FNTA: variants seen among roughly 807,000 people sequenced by gnomAD.
The protein encoded by FNTA is protein farnesyltransferase/geranylgeranyltransferase type-1 subunit alpha.
In FNTA, 27 loss-of-function variants were observed where a neutral mutation model predicts 55.2. The observed-to-expected ratio is 0.49, with a 90% CI of 0.36 to 0.67. The LOEUF (loss-of-function observed/expected upper bound fraction) is 0.67. FNTA is among the 30% of genes least tolerant of loss of function. FNTA has a pLI of 0.00. For missense variants in FNTA, 422 were observed against 464.7 expected (o/e 0.91, Z 0.85); for synonymous variants, 176 against 170.7 (o/e 1.03, Z -0.24).
chr8:43,071,144 T>C (rs1810780929), intron 4 of FNTA, among the ~76,000 whole-genome samples: 1 of 152,234 alleles, frequency 6.6e-6, no homozygotes, highest in Non-Finnish European at 1.5e-5. Flanking sequence ...TTGAATGTTA[T>C]ACTCTAATAT....
intron 2 of FNTA, chr8:43,063,340 T>G (rs971938025): frequency 2.2e-6 from 1 of 455,714 alleles, no homozygotes. Flanking sequence ...CTCAGTCTTT[T>G]GTTTGTTTTT....
intron 6 of FNTA, chr8:43,081,751 A>T (rs1014795003): frequency 1.3e-5 from 2 of 152,146 alleles, no homozygotes; most frequent in African/African-American, 2.4e-5. Flanking sequence ...TTTTGTAGCG[A>T]TGAGGTCTCA....
chr8:43,064,985 C>T (rs1297145570), intron 3 of FNTA, among the ~76,000 whole-genome samples: 1 of 151,284 alleles, frequency 6.6e-6, no homozygotes, highest in Non-Finnish European at 1.5e-5. Flanking sequence ...TACAGGTGCC[C>T]GCCACCATGC....
At chr8:43,069,725 G>C in intron 4 of FNTA, 66 bp downstream of exon 4, 1 of 905,658 alleles carries the variant, frequency 1.1e-6, no homozygotes. Flanking sequence ...GCTCACTGCA[G>C]CCTCTGCCTC....
At position 43,077,771 on chromosome 8, in the gene FNTA, T is replaced by C. The variant is rs543087662; in HGVS notation, c.782+407T>C. The C allele has an allele frequency of 7.8e-5, 12 of 153,668 alleles. 1 individual carries two copies. Among genetic ancestry groups the C allele is most frequent in the African/African-American group, 2.9e-4 (12 of 41,604 alleles). The allele number at this position is 153,668 out of a possible 1,614,324, so 9.5% of individuals were successfully genotyped here. A position where few individuals can be genotyped will look rare whatever the true frequency, so the allele number is the denominator to read the frequency against. On this transcript the variant is annotated intron_variant, in intron 6 of 8. Coordinates refer to ENST00000302279, the MANE Select transcript of FNTA (RefSeq NM_002027.3). ...TAGGGTATTTAGCAGCATCCTGGCC[T>C]TAAAACAAAAATGTTTTCAGACATT...
rs1236595115 is a variant in FNTA, at chr8:43,085,467, A to C, written c.*185A>C. The C allele has an allele frequency of 1.8e-6, 1 of 568,134 alleles. No homozygotes were observed. The highest frequency in any genetic ancestry group is 3.1e-6 in the Non-Finnish European group (1 of 326,458). 35.2% of individuals were successfully genotyped at this position (568,134 alleles called of 1,614,324 possible). ...ACTCAGACTAGCTCTAAGTAATGTG[A>C]TTCTTCTAAAGCAAAGTCATTGGAT... On this transcript the variant is annotated 3_prime_UTR_variant, in exon 9 of 9. Transcript: ENST00000302279.
chr8:43,083,120 A>G lies in FNTA; in HGVS notation c.785A>G (p.Tyr262Cys), dbSNP rs558756649. The change falls in exon 7 of 9, where the codon TAC becomes TGC. Residue 262 changes from tyrosine (Y) to cysteine (C), a missense_variant and splice_region_variant. Tyr to Cys is a radical substitution (Grantham distance 194). Transcript: ENST00000302279. ...GTATATATATATTTTTCTTGCAGATACACTCTGGAAATGATTAAACTAGTA... is the reference window on the plus strand; with the variant it reads ...GTATATATATATTTTTCTTGCAGATGCACTCTGGAAATGATTAAACTAGTA... ...DRAVLEREVQ[Y>C]TLEMIKLVPH... 4.1e-5 allele frequency: 63 copies of G among 1,545,624 alleles called. 2 individuals are homozygous for G. The South Asian group carries it at 6.9e-4, about 17-fold the overall frequency.
At chr8:43,071,171 C>T (rs541688082) in intron 4 of FNTA, among the ~76,000 whole-genome samples, 101 of 152,008 alleles carry the variant, frequency 6.6e-4, no homozygotes, top group African/African-American at 2.3e-3. Flanking sequence ...TTTAAGGGTC[C>T]GTTTTATTGA....
chr8:43,059,853 T>C (rs1005622209), intron 2 of FNTA, among the ~76,000 whole-genome samples: 3 of 152,220 alleles, frequency 2.0e-5, no homozygotes, highest in African/African-American at 7.2e-5. Flanking sequence ...AAAAGCATAA[T>C]GATAGGTTTG....
At chr8:43,077,755 T>C (rs1010851048) in intron 6 of FNTA, 3 of 154,782 alleles carry the variant, frequency 1.9e-5, no homozygotes, top group Non-Finnish European at 4.3e-5. Context: ...GTAGGGTATT[T>C]AGCAGCATCC....
intron 2 of FNTA, chr8:43,063,194 C>A: frequency 2.2e-6 from 1 of 451,374 alleles, no homozygotes; most frequent in Non-Finnish European, 4.4e-6. Flanking sequence ...GATCCTCCTA[C>A]CTCTGCCTCC....
At chr8:43,060,657 A>G (rs1732087835) in intron 2 of FNTA, among the ~76,000 whole-genome samples, 1 of 145,912 alleles carries the variant, frequency 6.9e-6, no homozygotes, top group African/African-American at 2.5e-5. Flanking sequence ...TCTGGACGAC[A>G]AGAGCAAAAC....
intron 3 of FNTA, among the ~76,000 whole-genome samples, chr8:43,067,885 A>G (rs964988499): frequency 3.3e-5 from 5 of 151,874 alleles, no homozygotes; most frequent in Admixed American, 2.6e-4. Flanking sequence ...ACACCCAGCT[A>G]GTTTTGTATT....
intron 4 of FNTA, among the ~76,000 whole-genome samples, chr8:43,071,240 A>G (rs1027118429): frequency 3.3e-5 from 5 of 152,278 alleles, no homozygotes; most frequent in Admixed American, 6.5e-5. Flanking sequence ...AGTGTTTTTT[A>G]GTATATATAC....
chr8:43,072,143 A>G (rs1455590808), intron 4 of FNTA, 38 bp from the exon 5 acceptor site: 1 of 1,419,788 alleles, frequency 7.0e-7, no homozygotes, highest in Non-Finnish European at 9.3e-7. Context: ...TTCATGGGTA[A>G]ATTAACAAAA....
intron 7 of FNTA, among the ~76,000 whole-genome samples, chr8:43,084,205 C>T: frequency 6.9e-6 from 1 of 145,962 alleles, no homozygotes; most frequent in South Asian, 2.1e-4. Flanking sequence ...TTCTACTTAG[C>T]TTGTAATTAT....
At chr8:43,068,113 G>T (rs184327121) in intron 3 of FNTA, among the ~76,000 whole-genome samples, 191 of 152,206 alleles carry the variant, frequency 1.3e-3, no homozygotes, top group Middle Eastern at 3.4e-3. Context: ...TGTTAGCCAG[G>T]TCTCAAACTC....
In FNTA at chr8:43,064,165, T is replaced by G. The variant is rs138334666; in HGVS notation, c.351T>G (p.Phe117Leu). 760 of 1,614,172 alleles carry G rather than the reference T, an allele frequency of 4.7e-4. No individual in the cohort carries two copies. Among genetic ancestry groups the G allele is most frequent in the Non-Finnish European group, 6.2e-4 (727 of 1,179,980 alleles). The change falls in exon 3 of 9, where the codon TTT becomes TTG. Residue 117 changes from phenylalanine to leucine, a missense_variant. Transcript: ENST00000302279. ...GTGATGAAAGAAGTGAACGAGCTTT[T>G]AAGCTAACCCGGGATGCTATTGAGT... is the stretch of plus-strand genomic sequence containing the variant. Reference protein sequence around the residue: ...LQRDERSERAFKLTRDAIELN... With the variant: ...LQRDERSERALKLTRDAIELN...
intron 4 of FNTA, among the ~76,000 whole-genome samples, chr8:43,071,495 AC>A (rs527544094): frequency 8.4e-4 from 128 of 151,728 alleles, no homozygotes; most frequent in South Asian, 6.3e-3. Flanking sequence ...ACATGGTGAA[AC>A]CCCGTCTCTA....
Sources: allele counts gnomAD v4.1 joint callset (sites outside exome capture counted in the v4.1 genomes callset), GRCh38; gene constraint gnomAD v4.1.1; transcripts MANE v1.5; gene names NCBI Gene and HGNC (gene_info 2026-07-23, HGNC 2026-07-21).